RBM42: variants seen among roughly 807,000 people sequenced by gnomAD.
RBM42 encodes the protein RNA binding motif protein 42.
RBM42 carries 21 observed loss-of-function variants against 41.4 expected under a neutral mutation model. The observed-to-expected ratio is 0.51, with a 90% CI of 0.36 to 0.73. The LOEUF (loss-of-function observed/expected upper bound fraction) is 0.73. Ranked by LOEUF, RBM42 falls within the 30% of genes least tolerant of loss-of-function variation. The pLI is 0.00. For missense variants in RBM42, 539 were observed against 680.4 expected, an observed-to-expected ratio of 0.79 and a Z score of 2.31; for synonymous variants, 272 against 271.2, an observed-to-expected ratio of 1.00 and a Z score of -0.03.
At chr19:35,629,798 C>T in intron 2 of RBM42, 125 bp downstream of exon 2, 9 of 986,224 alleles carry the variant, frequency 9.1e-6, no homozygotes, top group Middle Eastern at 2.4e-4. Context: ...ATTTTATATG[C>T]CAGGCACTGA....
Position 35,633,993 on chromosome 19 carries a change from C to T in RBM42, c.991C>T (p.Pro331Ser), listed in dbSNP as rs762662687. The change falls in exon 7 of 10, where the codon CCA becomes TCA. Residue 331 changes from proline (P) to serine (S), a missense_variant. Around this residue, in one of 2 missense-constraint regions of RBM42, gnomAD observed 429 missense variants for 488.9 expected, o/e 0.88. Transcript: ENST00000262633. The part of the protein sequence containing the change: ...RPRPRPPRPE[P>S]PPGLMALEVP... ...TCGGCCCCGGCCCCCTCGGCCAGAG[C>T]CACCCCCAGGCCTCATGGCTCTTGA... 1 of 1,528,902 alleles carries T rather than the reference C, an allele frequency of 6.5e-7. No individual in the cohort carries two copies. The highest frequency in any genetic ancestry group is 8.7e-7 in the Non-Finnish European group (1 of 1,143,090). The allele number at this position is 1,528,902 out of a possible 1,614,324, so 94.7% of individuals were successfully genotyped here.
chr19:35,629,167 G>T lies in RBM42; in HGVS notation c.14G>T (p.Gly5Val), dbSNP rs1011313332. MAGA[G>V]PAPGLPGAGG... Reference sequence around the variant, plus strand: ...ACGACGGCAGCGATGGCTGGGGCGGGGCCAGCCCCGGGACTCCCGGGTGCA... The same window carrying T: ...ACGACGGCAGCGATGGCTGGGGCGGTGCCAGCCCCGGGACTCCCGGGTGCA... Residue 5 changes from glycine to valine, a missense_variant, in exon 1 of 10, where the codon GGG (glycine) becomes GTG (valine). Physicochemically the swap from Gly to Val is moderately radical, Grantham distance 109. Coordinates refer to ENST00000262633, the MANE Select transcript of RBM42 (RefSeq NM_024321.5). The T allele has an allele frequency of 3.9e-6, 6 of 1,523,042 alleles. No homozygotes were observed. The African/African-American group carries it at 8.4e-5, about 21-fold the overall frequency. The allele number at this position is 1,523,042 out of a possible 1,614,324, so 94.3% of individuals were successfully genotyped here.
Position 35,633,263 on chromosome 19 carries a change from A to G in RBM42, c.684+11A>G. On this transcript the variant is annotated intron_variant, in intron 6 of 9. Transcript: ENST00000262633. ...CTGAGGCCCCCTCTGGTGAGTGTGAACAGGGAACTAACGGTCAGATGTGCG... is the reference window on the plus strand; with the variant it reads ...CTGAGGCCCCCTCTGGTGAGTGTGAGCAGGGAACTAACGGTCAGATGTGCG... 6.4e-7 allele frequency: 1 copy of G among 1,556,488 alleles called. No homozygotes were observed.
chr19:35,629,224 G>C lies in RBM42; in HGVS notation c.71G>C (p.Gly24Ala). ...CCCGTGGTCCCGGGTCCTGGCGCTG[G>C]CATCCCGGGCAAAAGCGGCGAGGAA... ...GGPVVPGPGA[G>A]IPGKSGEERL... Residue 24 changes from glycine to alanine, a missense_variant, in exon 1 of 10, where the codon GGC becomes GCC. Coordinates refer to ENST00000262633, the MANE Select transcript of RBM42 (RefSeq NM_024321.5). 6.5e-7 allele frequency: 1 copy of C among 1,537,608 alleles called. No homozygotes were observed. The highest frequency in any genetic ancestry group is 1.2e-5 in the South Asian group (1 of 83,954).
chr19:35,633,106 C>T lies in RBM42; in HGVS notation c.538C>T (p.Pro180Ser). 1 of 1,612,772 alleles carries T rather than the reference C, an allele frequency of 6.2e-7. No individual in the cohort carries two copies. The highest frequency in any genetic ancestry group is 8.5e-7 in the Non-Finnish European group (1 of 1,178,778). Residue 180 changes from proline (P) to serine (S), a missense_variant, in exon 6 of 10, where the codon CCC (proline) becomes TCC (serine). Transcript: ENST00000262633. Reference sequence around the variant, plus strand: ...CGCTCTCTCCTCTGCAGCAGCCGGCCCCCGCCCTATGGCCCTACGGCCCCC... The same window carrying T: ...CGCTCTCTCCTCTGCAGCAGCCGGCTCCCGCCCTATGGCCCTACGGCCCCC... ...DSALSSAAAGPRPMALRPPHQ... is the reference protein window; with the variant it reads ...DSALSSAAAGSRPMALRPPHQ...
intron 8 of RBM42, among the ~76,000 whole-genome samples, chr19:35,635,523 C>CTTTTTTTTTTTTTTTCT (rs11375946): frequency 7.1e-6 from 1 of 140,494 alleles, no homozygotes; most frequent in African/African-American, 2.7e-5. Context: ...TTTTTTTTTT[C>CTTTTTTTTTTTTTTTCT]TTTTTTTTTT....
Position 35,637,153 on chromosome 19 carries a change from C to T in RBM42, c.1136-5C>T, listed in dbSNP as rs1386495416. 1.2e-6 allele frequency: 2 copies of T among 1,610,282 alleles called. No individual in the cohort carries two copies. Among genetic ancestry groups the T allele is most frequent in the African/African-American group, 2.7e-5 (2 of 74,824 alleles). On this transcript the variant is annotated splice_region_variant and splice_polypyrimidine_tract_variant and intron_variant, in intron 8 of 9. Coordinates refer to ENST00000262633, the MANE Select transcript of RBM42 (RefSeq NM_024321.5). This position sits in a 1 kb window ranked among gnomAD's most constrained non-coding sequence, Gnocchi z 7.0. ...CCTCTGATGTCATCTCTTCCCCATC[C>T]CCAGATGACTTCCGGATCTTCTGTG...
chr19:35,629,131 C>A lies in RBM42; in HGVS notation c.-23C>A. 1.3e-6 allele frequency: 2 copies of A among 1,520,048 alleles called. No homozygotes were observed. Among genetic ancestry groups the A allele is most frequent in the Admixed American group, 2.2e-5 (1 of 44,804 alleles). 94.2% of individuals were successfully genotyped at this position (1,520,048 alleles called of 1,614,324 possible). On this transcript the variant is annotated 5_prime_UTR_variant, in exon 1 of 10. Coordinates refer to ENST00000262633, the MANE Select transcript of RBM42 (RefSeq NM_024321.5). ...GGCGGCTAAGCAGAGACTGTAGTAG[C>A]GGCGACAGCGACGACGGCAGCGATG...
rs781403902 is a variant in RBM42, at chr19:35,634,294, G to A, written c.1056G>A (p.Lys352=). The change falls in exon 8 of 10, where the codon AAG becomes AAA. Residue 352 remains lysine, a synonymous_variant. Transcript: ENST00000262633. The part of the protein sequence containing the change: ...EPLGEDKKKG[K]PEKLKRCIRT... ...TGGGTGAAGACAAGAAGAAGGGGAA[G>A]CCAGAGAAATTGAAACGGTGCATTC... 1.2e-6 allele frequency: 2 copies of A among 1,614,214 alleles called. No individual in the cohort carries two copies. Among genetic ancestry groups the A allele is most frequent in the East Asian group, 2.2e-5 (1 of 44,872 alleles).
rs539838848 is a variant in RBM42, at chr19:35,636,044, G to T, written c.1136-1114G>T. Among the ~76,000 whole-genome samples, 576 of 152,170 alleles carry T rather than the reference G, an allele frequency of 3.8e-3. 4 individuals carry two copies. The highest frequency in any genetic ancestry group is 0.014 in the African/African-American group (564 of 41,516). ...GGAGATGGACCCCTCCTGCTTCAGT[G>T]TTTGACTTCCACCCCCTCTCCTGGG... On this transcript the variant is annotated intron_variant, in intron 8 of 9. Transcript: ENST00000262633.
chr19:35,632,031 A>G (rs1170881938), intron 4 of RBM42: 2 of 153,224 alleles, frequency 1.3e-5, no homozygotes, highest in African/African-American at 4.8e-5. Flanking sequence ...CACACTGTCA[A>G]TTTGTAGGAC....
Position 35,633,100 on chromosome 19 carries a change from G to T in RBM42, c.532G>T (p.Ala178Ser), listed in dbSNP as rs778269150. The change falls in exon 6 of 10, where the codon GCC becomes TCC. Residue 178 changes from alanine to serine, a missense_variant. Ala to Ser is a moderately conservative substitution (Grantham distance 99). Around this residue, in one of 2 missense-constraint regions of RBM42, gnomAD observed 429 missense variants for 488.9 expected, o/e 0.88. Transcript: ENST00000262633. The part of the protein sequence containing the change: ...RADSALSSAA[A>S]GPRPMALRPP... ...AGATTCCGCTCTCTCCTCTGCAGCA[G>T]CCGGCCCCCGCCCTATGGCCCTACG... is the stretch of plus-strand genomic sequence containing the variant. The T allele has an allele frequency of 6.2e-7, 1 of 1,612,854 alleles. No homozygotes were observed. The highest frequency in any genetic ancestry group is 2.2e-5 in the East Asian group (1 of 44,856).
At position 35,637,114 on chromosome 19, in the gene RBM42, C is replaced by T. The variant is rs1375931013; in HGVS notation, c.1136-44C>T. 6.5e-7 allele frequency: 1 copy of T among 1,546,014 alleles called. No homozygotes were observed. The highest frequency in any genetic ancestry group is 8.8e-7 in the Non-Finnish European group (1 of 1,136,946). On this transcript the variant is annotated intron_variant, in intron 8 of 9. Coordinates refer to ENST00000262633, the MANE Select transcript of RBM42 (RefSeq NM_024321.5). The surrounding 1 kb of genome is among the most constrained non-coding windows in gnomAD (Gnocchi z 7.0). ...TCGTTCAGACAAGGTAGACACTGGGCAAGGCCTCTGCATCCTCTGATGTCA... is the reference window on the plus strand; with the variant it reads ...TCGTTCAGACAAGGTAGACACTGGGTAAGGCCTCTGCATCCTCTGATGTCA...
At position 35,634,232 on chromosome 19, in the gene RBM42, GC is replaced by G. The variant is rs1305299906; in HGVS notation, c.1018-23del. The G allele has an allele frequency of 1.9e-6, 3 of 1,608,272 alleles. No homozygotes were observed. In the African/African-American group the frequency reaches 4.0e-5, roughly 21 times the overall value. Reference sequence around the variant, plus strand: ...GGGAGACCCCAATACCAACCCCTTTGCACCTCTCCCCTTTCCTCTGCAGGTC... The same window carrying G: ...GGGAGACCCCAATACCAACCCCTTTGACCTCTCCCCTTTCCTCTGCAGGTC... On this transcript the variant is annotated intron_variant, in intron 7 of 9. Coordinates refer to ENST00000262633, the MANE Select transcript of RBM42 (RefSeq NM_024321.5).
Position 35,637,011 on chromosome 19 carries a change from G to C in RBM42, c.1136-147G>C. 1.4e-6 allele frequency: 1 copy of C among 706,850 alleles called. No homozygotes were observed. The highest frequency in any genetic ancestry group is 2.3e-6 in the Non-Finnish European group (1 of 432,602). 43.8% of individuals were successfully genotyped at this position (706,850 alleles called of 1,614,324 possible). Reference sequence around the variant, plus strand: ...CCCTCCAGGTGCCAGCAGAGCTCCTGGCGCAGGGTCAGTAGGTGTTGACCA... The same window carrying C: ...CCCTCCAGGTGCCAGCAGAGCTCCTCGCGCAGGGTCAGTAGGTGTTGACCA... On this transcript the variant is annotated intron_variant, in intron 8 of 9. Coordinates refer to ENST00000262633, the MANE Select transcript of RBM42 (RefSeq NM_024321.5). The surrounding 1 kb of genome is among the most constrained non-coding windows in gnomAD (Gnocchi z 7.0).
Position 35,631,319 on chromosome 19 carries a change from C to G in RBM42, c.368-12C>G. 6.2e-7 allele frequency: 1 copy of G among 1,614,094 alleles called. No homozygotes were observed. Among genetic ancestry groups the G allele is most frequent in the Non-Finnish European group, 8.5e-7 (1 of 1,179,964 alleles). ...TCTCCTCCCACCATCCTTGCCTCTC[C>G]CCTCCCAACAGTTGGCTTTGGCCCT... On this transcript the variant is annotated splice_polypyrimidine_tract_variant and intron_variant, in intron 3 of 9. Coordinates refer to ENST00000262633, the MANE Select transcript of RBM42 (RefSeq NM_024321.5).
At chr19:35,633,276 G>T (rs114479525) in intron 6 of RBM42, 24 bp downstream of exon 6, 1 of 1,528,004 alleles carries the variant, frequency 6.5e-7, no homozygotes, top group Non-Finnish European at 8.8e-7. Context: ...GGGAACTAAC[G>T]GTCAGATGTG....
intron 8 of RBM42, among the ~76,000 whole-genome samples, chr19:35,635,132 T>G (rs1168395702): frequency 6.6e-6 from 1 of 151,556 alleles, no homozygotes; most frequent in African/African-American, 2.4e-5. Context: ...CTGGCCAACA[T>G]GGTGAAATCC....
rs192832597 is a variant in RBM42 at position 35,629,078 on chromosome 19, G to C, written c.-76G>C. On this transcript the variant is annotated 5_prime_UTR_variant, in exon 1 of 10. Transcript: ENST00000262633. ...TCCTCGGGAGCCCACCCGGACGAAG[G>C]GGGAGAGTAGACAGCAGAACCAGCG... The C allele has an allele frequency of 6.9e-5, 100 of 1,459,322 alleles. 1 individual carries two copies. The highest frequency in any genetic ancestry group is 6.0e-4 in the East Asian group (23 of 38,282). 90.4% of individuals were successfully genotyped at this position (1,459,322 alleles called of 1,614,324 possible).
Sources: allele counts gnomAD v4.1 joint callset (sites outside exome capture counted in the v4.1 genomes callset), GRCh38; gene constraint gnomAD v4.1.1; regional missense constraint gnomAD v4.1.1; non-coding constraint Gnocchi (gnomAD v3.1); transcripts MANE v1.5; gene names NCBI Gene and HGNC (gene_info 2026-07-23, HGNC 2026-07-21).